Variants in NCOA3 observed in about 807,000 individuals in gnomAD.
NCOA3 encodes nuclear receptor coactivator 3.
A neutral mutation model predicts 158.8 loss-of-function variants in NCOA3; 51 were observed. The observed-to-expected ratio is 0.32, with a 90% CI of 0.26 to 0.41. The LOEUF (loss-of-function observed/expected upper bound fraction) is 0.41. Among genes scored for constraint, NCOA3 ranks in the 10% least tolerant of loss-of-function variants. NCOA3 has a pLI of 1.00. For missense variants in NCOA3, 1,510 were observed against 1,746.6 expected (o/e 0.86, Z 2.41); for synonymous variants, 537 against 592.4 (o/e 0.91, Z 1.36).
intron 1 of NCOA3, among the ~76,000 whole-genome samples, chr20:47,516,063 G>A (rs1457662469): frequency 6.6e-6 from 1 of 152,176 alleles, no homozygotes. Context: ...ACAGAGCACA[G>A]TACTCAGGGT....
At chr20:47,577,743 C>T (rs1240957024) in intron 1 of NCOA3, among the ~76,000 whole-genome samples, 1 of 152,162 alleles carries the variant, frequency 6.6e-6, no homozygotes, top group Non-Finnish European at 1.5e-5. Flanking sequence ...TAAAATCTAA[C>T]ACAAGATCAT....
intron 1 of NCOA3, among the ~76,000 whole-genome samples, chr20:47,561,848 A>G (rs541620322): frequency 2.0e-5 from 3 of 152,302 alleles, no homozygotes; most frequent in African/African-American, 4.8e-5. Flanking sequence ...CAAATTTACA[A>G]TGATCTACCA....
intron 8 of NCOA3, chr20:47,628,805 A>G (rs1286858243): frequency 6.6e-6 from 1 of 152,196 alleles, no homozygotes; most frequent in Non-Finnish European, 1.5e-5. Context: ...GGTTGATAAG[A>G]TGCATTAATG....
In NCOA3 at chr20:47,546,527, G is replaced by GTTTTTT. The variant is rs35925841; in HGVS notation, c.-98-36640_-98-36635dup. 2.5e-5 allele frequency among the ~76,000 whole-genome samples: 3 copies of GTTTTTT among 120,280 alleles called. No homozygotes were observed. In the Admixed American group the frequency reaches 2.6e-4, roughly 10 times the overall value. 78.9% of individuals were successfully genotyped at this position (120,280 alleles called of 152,430 possible). A position where few individuals can be genotyped will look rare whatever the true frequency, so the allele number is the denominator to read the frequency against. On this transcript the variant is annotated intron_variant, in intron 1 of 22. Coordinates refer to ENST00000371998, the MANE Select transcript of NCOA3 (RefSeq NM_181659.3). ...CAATGAGACTCTGTGACTTGCCTCTGTTTTTTTTTTTTTTTTTTTTTAAGA... is the reference window on the plus strand; with the variant it reads ...CAATGAGACTCTGTGACTTGCCTCTGTTTTTTTTTTTTTTTTTTTTTTTTTTTAAGA...
intron 1 of NCOA3, among the ~76,000 whole-genome samples, chr20:47,522,398 G>A (rs2084355693): frequency 1.4e-5 from 2 of 145,478 alleles, no homozygotes; most frequent in Non-Finnish European, 1.5e-5. Flanking sequence ...GAGCCACAGC[G>A]CCCGGCCCTT....
chr20:47,507,067 C>A (rs4810646), intron 1 of NCOA3, among the ~76,000 whole-genome samples: 128,586 of 152,092 alleles, frequency 0.85, 55,393 homozygotes, highest in Non-Finnish European at 0.91. Context: ...GCTGAGTTGG[C>A]GTGGTAGATG....
At chr20:47,621,780 A>G (rs2086245227) in intron 2 of NCOA3, among the ~76,000 whole-genome samples, 1 of 151,226 alleles carries the variant, frequency 6.6e-6, no homozygotes, top group South Asian at 2.1e-4. Flanking sequence ...CAGCCTCCCA[A>G]ATAACTAGGA....
At chr20:47,604,936 G>A (rs1333744788) in intron 2 of NCOA3, among the ~76,000 whole-genome samples, 3 of 151,822 alleles carry the variant, frequency 2.0e-5, no homozygotes, top group Non-Finnish European at 4.4e-5. Flanking sequence ...GCGAGATCTC[G>A]GCTCACTGCA....
intron 1 of NCOA3, among the ~76,000 whole-genome samples, chr20:47,515,088 T>C (rs1171446611): frequency 1.3e-5 from 2 of 152,012 alleles, no homozygotes; most frequent in East Asian, 1.9e-4. Flanking sequence ...AATGATATAA[T>C]GTATATTAAG....
In NCOA3 at chr20:47,651,143, G is replaced by GCAGCAA. The variant is rs1568758833; in HGVS notation, c.3819_3824dup (p.Gln1275_Gln1276dup). The GCAGCAA allele has an allele frequency of 6.2e-7, 1 of 1,612,790 alleles. No homozygotes were observed. The highest frequency in any genetic ancestry group is 1.1e-5 in the South Asian group (1 of 90,990). On this transcript the variant is annotated inframe_insertion, in exon 20 of 23. Coordinates refer to ENST00000371998, the MANE Select transcript of NCOA3 (RefSeq NM_181659.3). ...AGCAACAGCAACAGCAACAGCAACA[G>GCAGCAA]CAGCAACAGCAGCAAACCCAGGCCT...
At chr20:47,537,611 C>T (rs2084656260) in intron 1 of NCOA3, among the ~76,000 whole-genome samples, 1 of 149,986 alleles carries the variant, frequency 6.7e-6, no homozygotes, top group Admixed American at 6.7e-5. Flanking sequence ...TGGAGTCTTG[C>T]TCTGTCGCCC....
chr20:47,639,631 G>A lies in NCOA3; in HGVS notation c.2762G>A (p.Gly921Asp), dbSNP rs183580212. The A allele has an allele frequency of 7.4e-6, 12 of 1,613,880 alleles. No individual in the cohort carries two copies. The East Asian group carries it at 2.5e-4, about 33-fold the overall frequency. Residue 921 changes from glycine to aspartate, a missense_variant, in exon 15 of 23, where the codon GGC becomes GAC. Physicochemically the swap from Gly to Asp is moderately conservative, Grantham distance 94. Coordinates refer to ENST00000371998, the MANE Select transcript of NCOA3 (RefSeq NM_181659.3). ...CAGACTCCTTCCTCAGGAGACTGGG[G>A]CTTACCAAACTCAAAGGCCGGCAGA... ...VTQTPSSGDW[G>D]LPNSKAGRME...
At chr20:47,543,904 A>T (rs763925974) in intron 1 of NCOA3, among the ~76,000 whole-genome samples, 4 of 152,218 alleles carry the variant, frequency 2.6e-5, no homozygotes, top group Non-Finnish European at 5.9e-5. Context: ...ATTTACTAGT[A>T]TTTAAAATAA....
chr20:47,519,172 C>T (rs972710156), intron 1 of NCOA3, among the ~76,000 whole-genome samples: 4 of 144,910 alleles, frequency 2.8e-5, no homozygotes, highest in South Asian at 2.2e-4. Context: ...CGGTGGGTCA[C>T]GCCTGTAATC....
intron 19 of NCOA3, among the ~76,000 whole-genome samples, chr20:47,649,438 C>A (rs117042381): frequency 2.3e-3 from 346 of 152,076 alleles, no homozygotes; most frequent in Non-Finnish European, 3.4e-3. Context: ...TTCCTCTGTT[C>A]CTGGATTATG....
intron 2 of NCOA3, among the ~76,000 whole-genome samples, chr20:47,600,350 A>G (rs564508927): frequency 6.6e-6 from 1 of 151,142 alleles, no homozygotes; most frequent in South Asian, 2.1e-4. Context: ...AATTTTTTGT[A>G]TTTTTAGTAG....
chr20:47,548,653 C>G (rs1378624238), intron 1 of NCOA3, among the ~76,000 whole-genome samples: 1 of 152,270 alleles, frequency 6.6e-6, no homozygotes, highest in South Asian at 2.1e-4. Flanking sequence ...CATTAACATG[C>G]AATTGAGAAA....
intron 2 of NCOA3, among the ~76,000 whole-genome samples, chr20:47,595,185 G>A (rs1979287730): frequency 6.6e-6 from 1 of 150,538 alleles, no homozygotes; most frequent in African/African-American, 2.4e-5. Flanking sequence ...TGCAACCTCT[G>A]CCTGTTGGGT....
At chr20:47,521,217 G>C (rs554036188) in intron 1 of NCOA3, among the ~76,000 whole-genome samples, 84 of 152,226 alleles carry the variant, frequency 5.5e-4, no homozygotes, top group Admixed American at 2.3e-3. Context: ...GCCACAAGGG[G>C]GCGGGGTGCA....
Sources: gnomAD v4.1 joint callset for allele counts (sites outside exome capture counted in the v4.1 genomes callset) on GRCh38, gnomAD v4.1.1 for gene constraint, MANE v1.5 for transcripts, NCBI Gene and HGNC (gene_info 2026-07-23, HGNC 2026-07-21) for gene names.